DYNC1H1: variants seen among roughly 807,000 people sequenced by gnomAD.
DYNC1H1 encodes dynein cytoplasmic 1 heavy chain 1.
A neutral mutation model predicts 527.1 loss-of-function variants in DYNC1H1; 51 were observed. The observed-to-expected ratio is 0.10, with a 90% CI of 0.08 to 0.12. DYNC1H1 has a LOEUF of 0.12. DYNC1H1 is among the 10% of genes least tolerant of loss of function. DYNC1H1 has a pLI of 1.00. For missense variants in DYNC1H1, 2,771 were observed against 5,971.8 expected, an observed-to-expected ratio of 0.46 and a Z score of 17.66; for synonymous variants, 2,189 against 2,278.8, an observed-to-expected ratio of 0.96 and a Z score of 1.12.
In DYNC1H1 at chr14:101,979,493, G is replaced by GT. The variant is rs1177488578; in HGVS notation, c.518+2dup. ...TTAGAGAGTCTGGCAAGGCAGACAG[G>GT]TAAAAACTGTGGTTTGAATGTTATA... On this transcript the variant is annotated splice_donor_variant, in intron 3 of 77. Transcript: ENST00000360184. LOFTEE classifies it high-confidence loss of function. This position sits in a 1 kb window ranked among gnomAD's most constrained non-coding sequence, Gnocchi z 4.6. 1 of 1,614,006 alleles carries GT rather than the reference G, an allele frequency of 6.2e-7. No individual in the cohort carries two copies. Among genetic ancestry groups the GT allele is most frequent in the East Asian group, 2.2e-5 (1 of 44,892 alleles).
rs1595605468 is a variant in DYNC1H1 at position 101,995,057 on chromosome 14, A to G, written c.3405A>G (p.Leu1135=). 1.9e-6 allele frequency: 3 copies of G among 1,614,222 alleles called. No homozygotes were observed. The highest frequency in any genetic ancestry group is 2.5e-6 in the Non-Finnish European group (3 of 1,180,036). Residue 1135 remains leucine, a synonymous_variant, in exon 14 of 78, where the codon CTA becomes CTG. Transcript: ENST00000360184. ...KEVLSKFGQM[L]GSNMTEFHSQ... is the part of the protein sequence containing the mutation. The stretch of plus-strand genomic sequence containing the variant: ...TTCTTAGCAAATTTGGGCAGATGCT[A>G]GGATCAAACATGACGGAATTCCATT...
chr14:102,050,068 C>T lies in DYNC1H1; in HGVS notation c.13685-3C>T. 7 of 1,554,574 alleles carry T rather than the reference C, an allele frequency of 4.5e-6. No individual in the cohort carries two copies. Among genetic ancestry groups the T allele is most frequent in the Non-Finnish European group, 6.0e-6 (7 of 1,162,128 alleles). ...AGCCTGGGTTTTGGCTTCCGCCTCA[C>T]AGGTTTGAAACTTCAAGGGGCCACG... On this transcript the variant is annotated splice_region_variant and splice_polypyrimidine_tract_variant and intron_variant, in intron 76 of 77. Coordinates refer to ENST00000360184, the MANE Select transcript of DYNC1H1 (RefSeq NM_001376.5).
At chr14:102,023,086 G>GGAA (rs1787393609) in intron 43 of DYNC1H1, 1 of 748,100 alleles carries the variant, frequency 1.3e-6, no homozygotes, top group Non-Finnish European at 2.1e-6. Context: ...AACATAGTAA[G>GGAA]ACTCCACCTC....
Position 101,994,224 on chromosome 14 carries a change from A to T in DYNC1H1, c.3056A>T (p.Tyr1019Phe), listed in dbSNP as rs1567002577. ...HYELTEEEKFYRNALTRMPDG... is the reference protein window; with the variant it reads ...HYELTEEEKFFRNALTRMPDG... ...GAATTGACTGAGGAAGAGAAATTCTATCGGAATGCTTTAACACGGATGCCT... is the reference window on the plus strand; with the variant it reads ...GAATTGACTGAGGAAGAGAAATTCTTTCGGAATGCTTTAACACGGATGCCT... Residue 1019 changes from tyrosine to phenylalanine, a missense_variant, in exon 12 of 78, where the codon TAT becomes TTT. Around this residue, in one of 32 missense-constraint regions of DYNC1H1, gnomAD observed 179 missense variants for 349.4 expected, o/e 0.51. Transcript: ENST00000360184. 2 of 1,614,098 alleles carry T rather than the reference A, an allele frequency of 1.2e-6. No homozygotes were observed. Among genetic ancestry groups the T allele is most frequent in the Non-Finnish European group, 1.7e-6 (2 of 1,180,042 alleles).
intron 11 of DYNC1H1, among the ~76,000 whole-genome samples, chr14:101,993,763 G>T (rs114641791): frequency 6.6e-6 from 1 of 152,012 alleles, no homozygotes. Context: ...CTCTTGCTCC[G>T]TAGTTCTCTC....
In DYNC1H1 at chr14:102,029,944, G is replaced by T. The variant is rs773552333; in HGVS notation, c.9762+6G>T. The T allele has an allele frequency of 1.2e-6, 2 of 1,614,124 alleles. No homozygotes were observed. The highest frequency in any genetic ancestry group is 2.2e-5 in the South Asian group (2 of 91,078). The stretch of plus-strand genomic sequence containing the variant: ...AGGAGGCTGAAAAGAAGAAGGTATG[G>T]TGTCAGGGAATTCTGGCCTGTAAGG... On this transcript the variant is annotated splice_donor_region_variant and intron_variant, in intron 50 of 77. Coordinates refer to ENST00000360184, the MANE Select transcript of DYNC1H1 (RefSeq NM_001376.5). The surrounding 1 kb of genome is among the most constrained non-coding windows in gnomAD (Gnocchi z 5.3).
chr14:102,047,701 G>C, intron 72 of DYNC1H1, 116 bp from the exon 73 acceptor site: 1 of 1,197,228 alleles, frequency 8.4e-7, no homozygotes, highest in Admixed American at 1.9e-5. Context: ...TTTTGCTGCA[G>C]TTCCCAGTGT....
At position 102,018,503 on chromosome 14, in the gene DYNC1H1, C is replaced by G. The variant is rs145876293; in HGVS notation, c.8230C>G (p.Leu2744Val). ...VYVDYPGPAS[L>V]TQIYGTFNRA... is the part of the protein sequence containing the mutation. ...TGTGGATTACCCGGGCCCCGCCTCCCTCACACAGATCTACGGCACCTTCAA... is the reference window on the plus strand; with the variant it reads ...TGTGGATTACCCGGGCCCCGCCTCCGTCACACAGATCTACGGCACCTTCAA... The change falls in exon 41 of 78, where the codon CTC becomes GTC. Residue 2744 changes from leucine to valine, a missense_variant. Physicochemically the swap from Leu to Val is conservative, Grantham distance 32 (BLOSUM62 1). Transcript: ENST00000360184. This position sits in a 1 kb window ranked among gnomAD's most constrained non-coding sequence, Gnocchi z 5.2. The G allele has an allele frequency of 1.9e-6, 3 of 1,614,116 alleles. No individual in the cohort carries two copies. Among genetic ancestry groups the G allele is most frequent in the Non-Finnish European group, 2.5e-6 (3 of 1,180,042 alleles).
rs2048788479 is a variant in DYNC1H1 at position 102,050,195 on chromosome 14, T to C, written c.13809T>C (p.Ser4603=). ...VKQTNTEKKA[S]VVTLPVYLNF... is the part of the protein sequence containing the mutation. The stretch of plus-strand genomic sequence containing the variant: ...AGACAAACACCGAGAAGAAGGCCAG[T>C]GTGGTAAGGAGGCACTGCCTTTCCC... Residue 4603 remains serine (S), a synonymous_variant, in exon 77 of 78, where the codon AGT becomes AGC. Coordinates refer to ENST00000360184, the MANE Select transcript of DYNC1H1 (RefSeq NM_001376.5). 1 of 1,612,430 alleles carries C rather than the reference T, an allele frequency of 6.2e-7. No homozygotes were observed. Among genetic ancestry groups the C allele is most frequent in the South Asian group, 1.1e-5 (1 of 90,962 alleles).
chr14:102,055,438 C>T lies in DYNC1H1; in HGVS notation c.*4875C>T, dbSNP rs572553794. On this transcript the variant is annotated 3_prime_UTR_variant, in exon 78 of 78. Coordinates refer to ENST00000360184, the MANE Select transcript of DYNC1H1 (RefSeq NM_001376.5). ...TTGACAGTCTCTGAAGCTGGGAGAA[C>T]ATGACCCCATGCTCTCCTGTTGGAG... is the stretch of plus-strand genomic sequence containing the variant. 6.6e-6 allele frequency: 1 copy of T among 152,544 alleles called. No homozygotes were observed. Among genetic ancestry groups the T allele is most frequent in the African/African-American group, 2.4e-5 (1 of 41,558 alleles). 9.4% of individuals were successfully genotyped at this position (152,544 alleles called of 1,614,324 possible). A position where few individuals can be genotyped will look rare whatever the true frequency, so the allele number is the denominator to read the frequency against.
At chr14:101,972,997 TTTCTC>T (rs1409963668) in intron 1 of DYNC1H1, among the ~76,000 whole-genome samples, 1 of 152,164 alleles carries the variant, frequency 6.6e-6, no homozygotes, top group African/African-American at 2.4e-5. Flanking sequence ...GGCAGTGTGA[TTTCTC>T]TTGTGGTCTA....
chr14:101,970,976 G>C (rs2047730854), intron 1 of DYNC1H1, among the ~76,000 whole-genome samples: 1 of 151,960 alleles, frequency 6.6e-6, no homozygotes, highest in Non-Finnish European at 1.5e-5. Flanking sequence ...GCAGGAGTTG[G>C]GCAGCCTCAC....
At chr14:102,014,657 T>C (rs2048299517) in intron 34 of DYNC1H1, among the ~76,000 whole-genome samples, 2 of 152,120 alleles carry the variant, frequency 1.3e-5, no homozygotes, top group East Asian at 3.8e-4. Context: ...GGAGGGGCTG[T>C]TGCTTCTGTG....
intron 48 of DYNC1H1, chr14:102,028,770 C>T (rs771350688): frequency 1.8e-5 from 3 of 163,198 alleles, no homozygotes; most frequent in Admixed American, 5.6e-5. Context: ...GGAATCAGCA[C>T]GCTTTCTCTT....
At chr14:102,025,721 G>T (rs1281430060) in intron 43 of DYNC1H1, among the ~76,000 whole-genome samples, 1 of 152,156 alleles carries the variant, frequency 6.6e-6, no homozygotes, top group Admixed American at 6.6e-5. Flanking sequence ...TTACTCTGCA[G>T]TATCTGTCTG....
In DYNC1H1 at chr14:102,027,264, C is replaced by A. The variant is rs755723273; in HGVS notation, c.8862C>A (p.Asn2954Lys). The stretch of plus-strand genomic sequence containing the variant: ...TGTCTCGTTTCGTCGCCTGGATGAA[C>A]GGTTTGAGTGTGTACCAGATTAAGG... ...TTLSRFVAWM[N>K]GLSVYQIKVH... The change falls in exon 45 of 78, where the codon AAC becomes AAA. Residue 2954 changes from asparagine to lysine, a missense_variant. Physicochemically the swap from Asn to Lys is moderately conservative, Grantham distance 94. Around this residue, in one of 32 missense-constraint regions of DYNC1H1, gnomAD observed 84 missense variants for 285.4 expected, o/e 0.29. Transcript: ENST00000360184. This position sits in a 1 kb window ranked among gnomAD's most constrained non-coding sequence, Gnocchi z 7.7. 1 of 1,613,894 alleles carries A rather than the reference C, an allele frequency of 6.2e-7. No homozygotes were observed. Among genetic ancestry groups the A allele is most frequent in the African/African-American group, 1.3e-5 (1 of 74,860 alleles).
In DYNC1H1 at chr14:101,970,565, C is replaced by T. The variant is rs187640633; in HGVS notation, c.257-5147C>T. Among the ~76,000 whole-genome samples the T allele has an allele frequency of 2.8e-3, 404 of 145,762 alleles. 1 individual carries two copies. Among genetic ancestry groups the T allele is most frequent in the African/African-American group, 0.01 (398 of 38,432 alleles). On this transcript the variant is annotated intron_variant, in intron 1 of 77. Transcript: ENST00000360184. ...TGGCACGATCTCCGCTCACTGCAAC[C>T]CCCGCCTCCTGGGTTCAAGTGATTC...
rs898938054 is a variant in DYNC1H1, at chr14:102,050,350, G to C, written c.13813-85G>C. Reference sequence around the variant, plus strand: ...TTCGCACCTGTCCAAACCTCTCCTTGCCGGGCCCCATCAGCTGTCCCGGGC... The same window carrying C: ...TTCGCACCTGTCCAAACCTCTCCTTCCCGGGCCCCATCAGCTGTCCCGGGC... On this transcript the variant is annotated intron_variant, in intron 77 of 77. Transcript: ENST00000360184. The C allele has an allele frequency of 2.2e-5, 35 of 1,611,820 alleles. No individual in the cohort carries two copies. In the African/African-American group the frequency reaches 3.2e-4, roughly 15 times the overall value.
In DYNC1H1 at chr14:102,015,798, C is replaced by G; in HGVS notation, c.7243-58C>G. The G allele has an allele frequency of 6.3e-7, 1 of 1,579,758 alleles. No homozygotes were observed. Among genetic ancestry groups the G allele is most frequent in the Non-Finnish European group, 8.7e-7 (1 of 1,155,918 alleles). On this transcript the variant is annotated intron_variant, in intron 35 of 77. Coordinates refer to ENST00000360184, the MANE Select transcript of DYNC1H1 (RefSeq NM_001376.5). This position sits in a 1 kb window ranked among gnomAD's most constrained non-coding sequence, Gnocchi z 6.9. Reference sequence around the variant, plus strand: ...CCTTCTCCTGGGACCAGGTTAGAATCGATGAAACTCGCCTGCCTTTTGAAA... The same window carrying G: ...CCTTCTCCTGGGACCAGGTTAGAATGGATGAAACTCGCCTGCCTTTTGAAA...
Sources: allele counts gnomAD v4.1 joint callset (sites outside exome capture counted in the v4.1 genomes callset), GRCh38; gene constraint gnomAD v4.1.1; regional missense constraint gnomAD v4.1.1; non-coding constraint Gnocchi (gnomAD v3.1); transcripts MANE v1.5; gene names NCBI Gene and HGNC (gene_info 2026-07-23, HGNC 2026-07-21).